The following SMIM36 variants were observed in gnomAD, a reference collection of about 807,000 sequenced individuals.
SMIM36 encodes the protein small integral membrane protein 36.
At chr17:55,468,639 C>T (rs563918400) in intron 3 of SMIM36, among the ~76,000 whole-genome samples, 1 of 152,258 alleles carries the variant, frequency 6.6e-6, no homozygotes, top group East Asian at 1.9e-4. Flanking sequence ...TTTGGATGCT[C>T]ACCCACATTA....
chr17:55,472,794 G>A (rs1160321945), intron 3 of SMIM36, among the ~76,000 whole-genome samples: 5 of 151,538 alleles, frequency 3.3e-5, no homozygotes, highest in Non-Finnish European at 7.4e-5. Flanking sequence ...CTTGAAACCG[G>A]GAGGCGGAGG....
At chr17:55,465,505 T>C (rs544370567) in intron 4 of SMIM36, among the ~76,000 whole-genome samples, 1 of 152,286 alleles carries the variant, frequency 6.6e-6, no homozygotes, top group East Asian at 1.9e-4. Flanking sequence ...TTTAGATATT[T>C]GAACAATTGC....
chr17:55,528,429 G>A, the SMIM36 span, among the ~76,000 whole-genome samples: 1 of 152,042 alleles, frequency 6.6e-6, no homozygotes, highest in Non-Finnish European at 1.5e-5. Flanking sequence ...ATAGCTCACT[G>A]CAGCTTCAAG....
the SMIM36 span, among the ~76,000 whole-genome samples, chr17:55,524,204 A>G: frequency 6.6e-6 from 1 of 152,156 alleles, no homozygotes; most frequent in Non-Finnish European, 1.5e-5. Context: ...TTAGTTTGCT[A>G]AGGATAATGA....
chr17:55,518,587 A>G, the SMIM36 span, among the ~76,000 whole-genome samples: 1 of 152,222 alleles, frequency 6.6e-6, no homozygotes, highest in East Asian at 1.9e-4. Flanking sequence ...AAATAGGTGG[A>G]GAAAAGAAGG....
At chr17:55,518,618 A>C in the SMIM36 span, among the ~76,000 whole-genome samples, 2 of 152,206 alleles carry the variant, frequency 1.3e-5, no homozygotes, top group Admixed American at 6.5e-5. Flanking sequence ...GACCGTGAGT[A>C]AAAATAATTT....
intron 2 of SMIM36, among the ~76,000 whole-genome samples, 200 bp from the exon 3 acceptor site, chr17:55,479,013 A>G (rs949317033): frequency 1.3e-5 from 2 of 152,156 alleles, no homozygotes; most frequent in African/African-American, 4.8e-5. Flanking sequence ...ATAGTGCTCT[A>G]TCTTTCTGAT....
intron 4 of SMIM36, among the ~76,000 whole-genome samples, chr17:55,456,272 G>C (rs1909021911): frequency 6.6e-6 from 1 of 151,098 alleles, no homozygotes; most frequent in African/African-American, 2.5e-5. Context: ...CCCTATACAA[G>C]TCACATCCAT....
chr17:55,456,116 C>CAAAAAA (rs10546288), intron 4 of SMIM36, among the ~76,000 whole-genome samples: 2 of 39,500 alleles, frequency 5.1e-5, no homozygotes, highest in Non-Finnish European at 9.2e-5. Context: ...AAAACTGTCT[C>CAAAAAA]AAAAAAAAAA....
At chr17:55,496,580 C>T (rs1909810946) in intron 1 of SMIM36, among the ~76,000 whole-genome samples, 1 of 152,208 alleles carries the variant, frequency 6.6e-6, no homozygotes, top group Non-Finnish European at 1.5e-5. Flanking sequence ...TTCTGTATCT[C>T]AATCACTAGT....
At chr17:55,497,133 TC>T (rs1909823727) in intron 1 of SMIM36, among the ~76,000 whole-genome samples, 1 of 152,178 alleles carries the variant, frequency 6.6e-6, no homozygotes, top group African/African-American at 2.4e-5. Context: ...TTGTCCCTAG[TC>T]CTTCTCTATG....
At chr17:55,508,431 A>AAAATATATAT (rs1555623044) in intron 1 of SMIM36, among the ~76,000 whole-genome samples, 1 of 114,338 alleles carries the variant, frequency 8.7e-6, no homozygotes, top group African/African-American at 3.5e-5. Context: ...TATTCCTAGG[A>AAAATATATAT]ATATATATAT....
intron 1 of SMIM36, among the ~76,000 whole-genome samples, chr17:55,507,379 C>T (rs1467669967): frequency 1.5e-5 from 2 of 137,826 alleles, no homozygotes; most frequent in Non-Finnish European, 3.1e-5. Context: ...ACATATACAC[C>T]ATGGAATACT....
chr17:55,516,041 A>C (rs1910270534), upstream of SMIM36, among the ~76,000 whole-genome samples: 1 of 152,208 alleles, frequency 6.6e-6, no homozygotes, highest in Non-Finnish European at 1.5e-5. Flanking sequence ...GATGAAAGAA[A>C]ATTACTGTAT....
At chr17:55,467,198 G>C (rs527578480) in exon 4 of SMIM36, 1 of 152,286 alleles carries the variant, frequency 6.6e-6, no homozygotes, top group African/African-American at 2.4e-5. Flanking sequence ...ATGTCCCTAA[G>C]GATGGTTTCC....
intron 1 of SMIM36, among the ~76,000 whole-genome samples, chr17:55,489,913 A>G (rs1373263030): frequency 1.3e-5 from 2 of 152,090 alleles, no homozygotes; most frequent in Non-Finnish European, 2.9e-5. Context: ...CAGTGGCACA[A>G]TCTCGGCTCA....
upstream of SMIM36, among the ~76,000 whole-genome samples, chr17:55,513,358 T>G (rs1910214809): frequency 6.6e-6 from 1 of 152,228 alleles, no homozygotes; most frequent in Non-Finnish European, 1.5e-5. Flanking sequence ...AATTCAACAC[T>G]GTCCAAGGTT....
chr17:55,483,599 T>A (rs1909556486), intron 1 of SMIM36, among the ~76,000 whole-genome samples: 1 of 152,176 alleles, frequency 6.6e-6, no homozygotes, highest in Non-Finnish European at 1.5e-5. Flanking sequence ...GGGTTTCTAG[T>A]CTGCCTGCCT....
chr17:55,450,867 T>C (rs1420621576), intron 4 of SMIM36, among the ~76,000 whole-genome samples: 1 of 152,036 alleles, frequency 6.6e-6, no homozygotes, highest in Non-Finnish European at 1.5e-5. Flanking sequence ...TGCCAGCAAC[T>C]CTCTGCTTAA....
Sources: allele counts gnomAD v4.1 joint callset (sites outside exome capture counted in the v4.1 genomes callset), GRCh38; gene constraint gnomAD v4.1.1; transcripts MANE v1.5; gene names NCBI Gene and HGNC (gene_info 2026-07-23, HGNC 2026-07-21).